Variants in TCF12 observed in about 807,000 individuals in gnomAD.
The protein encoded by TCF12 is transcription factor 12, also known as DNA-binding protein HTF4.
A neutral mutation model predicts 86.0 loss-of-function variants in TCF12; 45 were observed. That is an observed-to-expected ratio of 0.52 (90% CI 0.41 to 0.67). The LOEUF is 0.67. Ranked by LOEUF, TCF12 falls within the 30% of genes least tolerant of loss-of-function variation. TCF12 has a pLI of 0.00. For missense variants in TCF12, 881 were observed against 859.9 expected (o/e 1.02, Z -0.31); for synonymous variants, 330 against 299.6 (o/e 1.10, Z -1.05).
intron 13 of TCF12, 196 bp from the exon 14 acceptor site, chr15:57,251,154 A>C: frequency 2.2e-6 from 1 of 455,670 alleles, no homozygotes. Flanking sequence ...TTTTCTCAGC[A>C]CCCCATTTTT....
intron 5 of TCF12, among the ~76,000 whole-genome samples, chr15:57,146,488 TC>T (rs1222297954): frequency 1.3e-5 from 2 of 152,176 alleles, no homozygotes; most frequent in Non-Finnish European, 2.9e-5. Flanking sequence ...GTTATCAAGT[TC>T]TATTTATTTC....
At position 57,080,183 on chromosome 15, in the gene TCF12, G is replaced by T. The variant is rs545390159; in HGVS notation, c.223-11606G>T. Among the ~76,000 whole-genome samples, 7 of 152,230 alleles carry T rather than the reference G, an allele frequency of 4.6e-5. No homozygotes were observed. The South Asian group carries it at 1.5e-3, about 32-fold the overall frequency. Reference sequence around the variant, plus strand: ...TAAGAAGCTAATTTATCATTTAAAGGTTATCTCTAAAAGTTAGGTTTTGTA... The same window carrying T: ...TAAGAAGCTAATTTATCATTTAAAGTTTATCTCTAAAAGTTAGGTTTTGTA... On this transcript the variant is annotated intron_variant, in intron 4 of 20. Transcript: ENST00000333725.
chr15:57,285,258 G>A (rs1011698456), intron 20 of TCF12, among the ~76,000 whole-genome samples: 4 of 152,116 alleles, frequency 2.6e-5, no homozygotes, highest in Admixed American at 6.5e-5. Context: ...TTAGTTTTCC[G>A]TCCCTAAGAG....
intron 4 of TCF12, among the ~76,000 whole-genome samples, chr15:57,076,433 T>A (rs1451803162): frequency 6.6e-6 from 1 of 151,902 alleles, no homozygotes; most frequent in African/African-American, 2.4e-5. Flanking sequence ...TGAGGCGGGA[T>A]CACAAGGTCA....
At chr15:57,090,537 T>C (rs1462460075) in intron 4 of TCF12, among the ~76,000 whole-genome samples, 1 of 152,228 alleles carries the variant, frequency 6.6e-6, no homozygotes, top group Non-Finnish European at 1.5e-5. Context: ...TAAACAATTG[T>C]AATGATTTGA....
At chr15:57,084,505 TA>T (rs2048504780) in intron 4 of TCF12, among the ~76,000 whole-genome samples, 1 of 152,222 alleles carries the variant, frequency 6.6e-6, no homozygotes, top group African/African-American at 2.4e-5. Context: ...ATTTTGTTTA[TA>T]AATCTCCTTT....
intron 3 of TCF12, among the ~76,000 whole-genome samples, chr15:56,947,502 A>C (rs2061061347): frequency 1.3e-5 from 2 of 152,182 alleles, no homozygotes; most frequent in African/African-American, 4.8e-5. Flanking sequence ...TCTTCTGCAC[A>C]GTAATCTACA....
intron 3 of TCF12, among the ~76,000 whole-genome samples, chr15:56,952,533 A>G (rs1362005464): frequency 6.6e-6 from 1 of 151,984 alleles, no homozygotes; most frequent in Non-Finnish European, 1.5e-5. Context: ...GTAGCATTCC[A>G]TTTATTTAGG....
intron 8 of TCF12, among the ~76,000 whole-genome samples, chr15:57,213,459 G>A (rs953593790): frequency 2.4e-4 from 36 of 152,072 alleles, no homozygotes; most frequent in African/African-American, 8.2e-4. Flanking sequence ...CCACTAGCAA[G>A]AATTTTTACT....
chr15:57,242,347 A>G (rs139558405), intron 12 of TCF12, among the ~76,000 whole-genome samples: 35 of 152,300 alleles, frequency 2.3e-4, no homozygotes, highest in African/African-American at 8.4e-4. Context: ...CCAAGAAGAG[A>G]TCTTAGGGAT....
intron 6 of TCF12, among the ~76,000 whole-genome samples, chr15:57,182,018 T>A (rs1282098543): frequency 6.6e-6 from 1 of 152,192 alleles, no homozygotes; most frequent in Non-Finnish European, 1.5e-5. Context: ...GTTAAGAAAT[T>A]CATACTATGT....
At chr15:57,253,985 C>G (rs2060232199) in intron 16 of TCF12, among the ~76,000 whole-genome samples, 1 of 151,594 alleles carries the variant, frequency 6.6e-6, no homozygotes, top group Non-Finnish European at 1.5e-5. Context: ...TTTAAGAACT[C>G]AGTCCATCTT....
At chr15:56,986,350 G>A (rs1322778436) in intron 3 of TCF12, among the ~76,000 whole-genome samples, 2 of 152,106 alleles carry the variant, frequency 1.3e-5, no homozygotes, top group African/African-American at 4.8e-5. Flanking sequence ...AGCTTCTGTT[G>A]ATAAATAAAA....
Position 57,063,784 on chromosome 15 carries a change from A to G in TCF12, c.183A>G (p.Gly61=). ...AAAGAGGAGGTACAACATCTTGGGG[A>G]ACAAGTGGTCAACCAAGTCCTTCCT... is the stretch of plus-strand genomic sequence containing the variant. The part of the protein sequence containing the change: ...IDERGGTTSW[G]TSGQPSPSYD... Residue 61 remains glycine (G), a synonymous_variant, in exon 4 of 21, where the codon GGA becomes GGG. Coordinates refer to ENST00000333725, the MANE Select transcript of TCF12 (RefSeq NM_207037.2). The G allele has an allele frequency of 6.2e-7, 1 of 1,602,858 alleles. No homozygotes were observed. The highest frequency in any genetic ancestry group is 8.5e-7 in the Non-Finnish European group (1 of 1,171,490).
chr15:57,045,692 C>G (rs2067188442), intron 3 of TCF12, among the ~76,000 whole-genome samples: 1 of 152,074 alleles, frequency 6.6e-6, no homozygotes. Flanking sequence ...ACTACAGGCA[C>G]ATACCATCAT....
chr15:57,262,095 T>G lies in TCF12; in HGVS notation c.1469T>G (p.Val490Gly). The G allele has an allele frequency of 6.2e-7, 1 of 1,608,156 alleles. No homozygotes were observed. The highest frequency in any genetic ancestry group is 8.5e-7 in the Non-Finnish European group (1 of 1,176,686). The change falls in exon 17 of 21, where the codon GTT becomes GGT. Residue 490 changes from valine to glycine, a missense_variant and splice_region_variant. Val to Gly is a moderately radical substitution (Grantham distance 109). Around this residue, in one of 3 missense-constraint regions of TCF12, gnomAD observed 766 missense variants for 718.9 expected, o/e 1.07. Coordinates refer to ENST00000333725, the MANE Select transcript of TCF12 (RefSeq NM_207037.2). The part of the protein sequence containing the change: ...LVASSRSASM[V>G]GTHREDSVSL... ...TTTTTGGGTTTTCCTTAACTTTAGG[T>G]TGGAACTCATCGGGAAGACTCTGTC... is the stretch of plus-strand genomic sequence containing the variant.
At chr15:57,214,377 T>C (rs1408219572) in intron 8 of TCF12, 1 of 152,214 alleles carries the variant, frequency 6.6e-6, no homozygotes, top group African/African-American at 2.4e-5. Context: ...AAGAGATTTA[T>C]TTGCTTTCTT....
At chr15:57,090,217 CAAAACAAAAACA>C (rs200162342) in intron 4 of TCF12, among the ~76,000 whole-genome samples, 1 of 151,628 alleles carries the variant, frequency 6.6e-6, no homozygotes, top group African/African-American at 2.4e-5. Flanking sequence ...GCCCTGTCTC[CAAAACAAAAACA>C]AAAACAAAAA....
chr15:57,009,643 G>A (rs2141145380), intron 3 of TCF12, among the ~76,000 whole-genome samples: 1 of 152,298 alleles, frequency 6.6e-6, no homozygotes, highest in Non-Finnish European at 1.5e-5. Context: ...CAGCAAGGGA[G>A]TTGGAGAAAA....
Sources: allele counts gnomAD v4.1 joint callset (sites outside exome capture counted in the v4.1 genomes callset), GRCh38; gene constraint gnomAD v4.1.1; regional missense constraint gnomAD v4.1.1; transcripts MANE v1.5; gene names NCBI Gene and HGNC (gene_info 2026-07-23, HGNC 2026-07-21).